MASP1: variants seen among roughly 807,000 people sequenced by gnomAD.
The protein encoded by MASP1 is mannan-binding lectin serine protease 1.
A neutral mutation model predicts 77.1 loss-of-function variants in MASP1; 59 were observed. The ratio of observed to expected loss-of-function variants is 0.77; its 90% confidence interval spans 0.62 to 0.95. The LOEUF (loss-of-function observed/expected upper bound fraction) is 0.95. MASP1 is among the 40% of genes least tolerant of loss of function. The pLI is 0.00. For synonymous variants in MASP1, 362 were observed against 354.5 expected, an observed-to-expected ratio of 1.02 and a Z score of -0.24; for missense variants, 885 against 912.9, an observed-to-expected ratio of 0.97 and a Z score of 0.39.
At chr3:187,270,982 G>T (rs1167049782) in intron 2 of MASP1, among the ~76,000 whole-genome samples, 2 of 152,192 alleles carry the variant, frequency 1.3e-5, no homozygotes, top group African/African-American at 4.8e-5. Context: ...AAACAAAATG[G>T]ATATTGTTTT....
At chr3:187,285,172 G>A (rs536453908) in intron 2 of MASP1, among the ~76,000 whole-genome samples, 2 of 151,626 alleles carry the variant, frequency 1.3e-5, no homozygotes, top group African/African-American at 4.8e-5. Context: ...TTTTTTGTGG[G>A]GGGTTCTCTA....
chr3:187,228,139 C>T (rs1712544809), intron 11 of MASP1, among the ~76,000 whole-genome samples: 1 of 151,942 alleles, frequency 6.6e-6, no homozygotes, highest in African/African-American at 2.4e-5. Context: ...ACATGGTGGA[C>T]ATTAGTGGAC....
At chr3:187,247,394 A>G (rs2108532297) in intron 8 of MASP1, 3 of 1,614,170 alleles carry the variant, frequency 1.9e-6, no homozygotes, top group East Asian at 4.5e-5. Context: ...TTCTGCCACC[A>G]TGGTGAAGAT....
At chr3:187,263,137 C>T (rs1464967481) in intron 2 of MASP1, 8 of 239,700 alleles carry the variant, frequency 3.3e-5, no homozygotes, top group Admixed American at 5.2e-5. Flanking sequence ...TGCCTACTGC[C>T]GAGCAAAGCA....
chr3:187,286,078 C>A, intron 1 of MASP1, 22 bp from the exon 2 acceptor site: 1 of 1,555,770 alleles, frequency 6.4e-7, no homozygotes, highest in Non-Finnish European at 8.9e-7. Context: ...GAATGTAGGT[C>A]TACTTACATT....
intron 10 of MASP1, among the ~76,000 whole-genome samples, chr3:187,239,350 C>T (rs1253739444): frequency 6.6e-6 from 1 of 151,926 alleles, no homozygotes; most frequent in Admixed American, 6.6e-5. Context: ...GAAACTCTGT[C>T]TCAAAAAAAA....
intron 2 of MASP1, among the ~76,000 whole-genome samples, chr3:187,277,016 A>G (rs1717019776): frequency 6.6e-6 from 1 of 152,132 alleles, no homozygotes; most frequent in Non-Finnish European, 1.5e-5. Context: ...TCTCAATTAC[A>G]CAGCAGGATG....
At chr3:187,280,921 T>C (rs1256989524) in intron 2 of MASP1, among the ~76,000 whole-genome samples, 1 of 152,206 alleles carries the variant, frequency 6.6e-6, no homozygotes, top group East Asian at 1.9e-4. Context: ...CAAGGCAAAG[T>C]AGACCTTAGA....
chr3:187,244,199 A>G (rs1012971371), intron 8 of MASP1: 5 of 161,472 alleles, frequency 3.1e-5, no homozygotes, highest in African/African-American at 1.2e-4. Context: ...CATAGAAGCC[A>G]GGAGGCAGGG....
chr3:187,286,964 C>A (rs184042973), intron 1 of MASP1, among the ~76,000 whole-genome samples: 1 of 152,324 alleles, frequency 6.6e-6, no homozygotes, highest in Admixed American at 6.5e-5. Flanking sequence ...ACCCCAGAGT[C>A]AAGAGTCACC....
At chr3:187,265,379 C>G (rs1057009006) in intron 2 of MASP1, among the ~76,000 whole-genome samples, 56 of 152,162 alleles carry the variant, frequency 3.7e-4, no homozygotes, top group Non-Finnish European at 1.2e-4. Context: ...TAAATGACCT[C>G]CCTCCTTGTA....
chr3:187,291,362 G>A (rs897152427), intron 1 of MASP1: 7 of 564,408 alleles, frequency 1.2e-5, no homozygotes, highest in Non-Finnish European at 6.4e-6. Context: ...TGTGCAGGCA[G>A]TGGGAGAAAT....
chr3:187,286,009 G>A lies in MASP1; in HGVS notation c.53C>T (p.Ser18Leu), dbSNP rs775901004. ...YALCFSLSKA[S>L]AHTVELNNMF... ...ATTGTTTAGCTCCACGGTGTGGGCTGAAGCCTTTGACAGGGAGAAGCACAG... is the reference window on the plus strand; with the variant it reads ...ATTGTTTAGCTCCACGGTGTGGGCTAAAGCCTTTGACAGGGAGAAGCACAG... Residue 18 changes from serine (S) to leucine (L), a missense_variant, in exon 2 of 11, where the codon TCA (serine) becomes TTA (leucine). By Grantham distance (145) the Ser-to-Leu change is moderately radical (BLOSUM62 -2). Transcript: ENST00000296280. 4 of 1,614,086 alleles carry A rather than the reference G, an allele frequency of 2.5e-6. No individual in the cohort carries two copies. The highest frequency in any genetic ancestry group is 8.5e-7 in the Non-Finnish European group (1 of 1,180,042).
chr3:187,220,492 CTTTCTTTTT>C (rs1464659403), intron 15 of MASP1, among the ~76,000 whole-genome samples: 1 of 134,564 alleles, frequency 7.4e-6, no homozygotes, highest in Non-Finnish European at 1.5e-5. Flanking sequence ...TTTCTTTTTT[CTTTCTTTTT>C]TTTTTTTTTT....
chr3:187,269,964 G>A (rs1470488050), intron 2 of MASP1, among the ~76,000 whole-genome samples: 2 of 152,312 alleles, frequency 1.3e-5, no homozygotes, highest in African/African-American at 4.8e-5. Context: ...AACTTTGAGA[G>A]AAGGGGCAAA....
intron 8 of MASP1, among the ~76,000 whole-genome samples, chr3:187,247,586 G>T (rs1273979406): frequency 1.3e-5 from 2 of 152,216 alleles, no homozygotes; most frequent in Non-Finnish European, 1.5e-5. Context: ...TGTGGAATTT[G>T]TATCGTTCTG....
chr3:187,272,021 C>T (rs193240504), intron 2 of MASP1, among the ~76,000 whole-genome samples: 2 of 151,016 alleles, frequency 1.3e-5, no homozygotes, highest in South Asian at 2.1e-4. Context: ...CAGATGGCAG[C>T]GTATGGCAGG....
downstream of MASP1, chr3:187,229,953 A>G: frequency 6.2e-7 from 1 of 1,604,484 alleles, no homozygotes. Flanking sequence ...CATCTTGCCC[A>G]CTGCCAGAGC....
intron 2 of MASP1, among the ~76,000 whole-genome samples, chr3:187,282,390 A>G (rs1171035150): frequency 6.6e-6 from 1 of 151,574 alleles, no homozygotes; most frequent in African/African-American, 2.4e-5. Flanking sequence ...CCAGCTGCTC[A>G]GGAGGCTGAG....
Sources: allele counts gnomAD v4.1 joint callset (sites outside exome capture counted in the v4.1 genomes callset), GRCh38; gene constraint gnomAD v4.1.1; transcripts MANE v1.5; gene names NCBI Gene and HGNC (gene_info 2026-07-23, HGNC 2026-07-21).